RBPMS: variants seen among roughly 807,000 people sequenced by gnomAD.
RBPMS encodes RNA binding protein, mRNA processing factor.
Under a neutral mutation model 26.8 loss-of-function variants are expected in RBPMS, and 7 were observed. The ratio of observed to expected loss-of-function variants is 0.26; its 90% CI spans 0.15 to 0.49. The LOEUF is 0.49. Among genes scored for constraint, RBPMS ranks in the 20% least tolerant of loss-of-function variants. The pLI is 0.98. For missense variants in RBPMS, 186 were observed against 250.0 expected (o/e 0.74, Z 1.73); for synonymous variants, 96 against 93.3 (o/e 1.03, Z -0.17).
intron 5 of RBPMS, among the ~76,000 whole-genome samples, chr8:30,538,861 G>C (rs1456892218): frequency 1.3e-5 from 2 of 152,144 alleles, no homozygotes; most frequent in Non-Finnish European, 2.9e-5. Flanking sequence ...TTATGTACTG[G>C]GGTTGCAGGT....
At chr8:30,479,920 A>G (rs1188035199) in intron 4 of RBPMS, among the ~76,000 whole-genome samples, 3 of 152,132 alleles carry the variant, frequency 2.0e-5, no homozygotes, top group Non-Finnish European at 4.4e-5. Flanking sequence ...GTCATTTGTA[A>G]TTGAGTAGAT....
chr8:30,568,074 G>A (rs911969040), intron 8 of RBPMS, among the ~76,000 whole-genome samples: 8 of 152,218 alleles, frequency 5.3e-5, no homozygotes, highest in African/African-American at 1.9e-4. Flanking sequence ...TCCAGAGACC[G>A]TGAACTTTTT....
chr8:30,504,200 G>A (rs986684945), intron 4 of RBPMS, 86 bp from the exon 5 acceptor site: 4 of 1,397,030 alleles, frequency 2.9e-6, no homozygotes, highest in Non-Finnish European at 3.0e-6. Context: ...GATAGACCAG[G>A]GTTTACTGGT....
chr8:30,531,087 G>GT lies in RBPMS; in HGVS notation c.398-13405dup, dbSNP rs1475102179. The stretch of plus-strand genomic sequence containing the variant: ...GGCTATAATAGTGGACCATTTTATA[G>GT]TTATTGAACTAGCTCTTAGATTTGA... On this transcript the variant is annotated intron_variant, in intron 5 of 8. Transcript: ENST00000397323. Among the ~76,000 whole-genome samples the GT allele has an allele frequency of 7.2e-5, 11 of 151,744 alleles. No homozygotes were observed. In the East Asian group the frequency reaches 2.1e-3, roughly 29 times the overall value.
intron 1 of RBPMS, among the ~76,000 whole-genome samples, chr8:30,419,139 G>A (rs7832273): frequency 0.17 from 26,481 of 151,390 alleles, 5,911 homozygotes; most frequent in African/African-American, 0.52. Flanking sequence ...AAATCACAGG[G>A]TTTTAATTTT....
At chr8:30,561,510 A>G (rs778086658) in intron 7 of RBPMS, among the ~76,000 whole-genome samples, 1 of 152,200 alleles carries the variant, frequency 6.6e-6, no homozygotes, top group Non-Finnish European at 1.5e-5. Flanking sequence ...TCTGAAGCGC[A>G]CAAGAGAAGG....
intron 4 of RBPMS, among the ~76,000 whole-genome samples, chr8:30,496,420 G>A (rs1376929713): frequency 2.6e-5 from 4 of 151,948 alleles, no homozygotes; most frequent in Admixed American, 6.6e-5. Context: ...TGCCCTCCTT[G>A]GCCTCCCAAA....
chr8:30,429,001 G>T (rs551083072), intron 1 of RBPMS, among the ~76,000 whole-genome samples: 142 of 152,272 alleles, frequency 9.3e-4, no homozygotes, highest in African/African-American at 3.0e-3. Flanking sequence ...CTGCTTCTAA[G>T]ACACATCAAA....
chr8:30,463,612 C>T (rs1412681334), intron 1 of RBPMS, among the ~76,000 whole-genome samples: 2 of 152,216 alleles, frequency 1.3e-5, no homozygotes, highest in African/African-American at 4.8e-5. Flanking sequence ...TCACTAGAAG[C>T]GAATCACTTA....
rs375281314 is a variant in RBPMS, at chr8:30,386,661, A to G, written c.66+1503A>G. Among the ~76,000 whole-genome samples, 7 of 152,102 alleles carry G rather than the reference A, an allele frequency of 4.6e-5. No individual in the cohort carries two copies. In the East Asian group the frequency reaches 7.7e-4, roughly 17 times the overall value. On this transcript the variant is annotated intron_variant, in intron 1 of 8. Transcript: ENST00000397323. The stretch of plus-strand genomic sequence containing the variant: ...GGCTGCTTTGCTATTTATTTTCCCT[A>G]CCACTTAAAAAAATTTAAAAATAAT...
chr8:30,481,314 A>G (rs988689661), intron 4 of RBPMS, among the ~76,000 whole-genome samples: 1 of 150,142 alleles, frequency 6.7e-6, no homozygotes, highest in Non-Finnish European at 1.5e-5. Flanking sequence ...TGTTTAAATG[A>G]TAATAGTCAA....
At chr8:30,553,093 G>A (rs950530043) in intron 6 of RBPMS, 1 of 152,284 alleles carries the variant, frequency 6.6e-6, no homozygotes, top group Non-Finnish European at 1.5e-5. Context: ...ATTCTGCCTA[G>A]ATCATAGCGA....
intron 1 of RBPMS, among the ~76,000 whole-genome samples, chr8:30,408,277 C>T (rs1563289337): frequency 6.6e-6 from 1 of 152,188 alleles, no homozygotes; most frequent in Non-Finnish European, 1.5e-5. Flanking sequence ...CACCAGCAAT[C>T]CAGCACTTTA....
At chr8:30,559,157 G>C (rs1399625188) in intron 7 of RBPMS, among the ~76,000 whole-genome samples, 1 of 152,184 alleles carries the variant, frequency 6.6e-6, no homozygotes, top group Admixed American at 6.5e-5. Context: ...ACGGGTGCTA[G>C]TCTATTTGAG....
At chr8:30,430,362 G>GTTC (rs1382405907) in intron 1 of RBPMS, among the ~76,000 whole-genome samples, 1 of 152,126 alleles carries the variant, frequency 6.6e-6, no homozygotes, top group Non-Finnish European at 1.5e-5. Context: ...GTACGTCTTG[G>GTTC]TTCTATTCTG....
chr8:30,516,523 T>G (rs1029085045), intron 5 of RBPMS, among the ~76,000 whole-genome samples: 2 of 152,186 alleles, frequency 1.3e-5, no homozygotes, highest in African/African-American at 4.8e-5. Flanking sequence ...ATACCAGCCG[T>G]TCATATAGTA....
chr8:30,547,975 G>A (rs893944867), intron 6 of RBPMS, among the ~76,000 whole-genome samples: 3 of 152,096 alleles, frequency 2.0e-5, no homozygotes, highest in Admixed American at 1.3e-4. Context: ...CTAAAGTAAG[G>A]ATACTTATTT....
chr8:30,410,370 G>A lies in RBPMS; in HGVS notation c.66+25212G>A, dbSNP rs187454901. Reference sequence around the variant, plus strand: ...ACTACAGGCACGTGCCAACATGCCCGGCTAATTTTTTGTATTTTTAGTAGA... The same window carrying A: ...ACTACAGGCACGTGCCAACATGCCCAGCTAATTTTTTGTATTTTTAGTAGA... On this transcript the variant is annotated intron_variant, in intron 1 of 8. Coordinates refer to ENST00000397323, the MANE Select transcript of RBPMS (RefSeq NM_001008710.3). 4.0e-3 allele frequency among the ~76,000 whole-genome samples: 614 copies of A among 151,764 alleles called. 2 individuals are homozygous for A. Among genetic ancestry groups the A allele is most frequent in the South Asian group, 0.014 (68 of 4,796 alleles).
chr8:30,526,866 CAG>C (rs577077006), intron 5 of RBPMS, among the ~76,000 whole-genome samples: 56 of 152,254 alleles, frequency 3.7e-4, no homozygotes, highest in African/African-American at 1.2e-3. Context: ...ATTACATTAT[CAG>C]AAAGAACTCA....
Sources: allele counts gnomAD v4.1 joint callset (sites outside exome capture counted in the v4.1 genomes callset), GRCh38; gene constraint gnomAD v4.1.1; transcripts MANE v1.5; gene names NCBI Gene and HGNC (gene_info 2026-07-23, HGNC 2026-07-21).